The following LAMA2 variants were observed in gnomAD, a reference collection of about 807,000 sequenced individuals.
LAMA2 encodes the protein laminin subunit alpha 2.
LAMA2 carries 269 observed loss-of-function variants against 364.8 expected under a neutral mutation model. That is an observed-to-expected ratio of 0.74 (90% CI 0.67 to 0.82). The LOEUF (loss-of-function observed/expected upper bound fraction) is 0.82. Ranked by LOEUF, LAMA2 falls within the 40% of genes least tolerant of loss-of-function variation. LAMA2 has a pLI of 0.00. For missense variants in LAMA2, 3,807 were observed against 3,873.2 expected (o/e 0.98, Z 0.45); for synonymous variants, 1,379 against 1,370.6 (o/e 1.01, Z -0.14).
intron 1 of LAMA2, among the ~76,000 whole-genome samples, chr6:129,006,064 A>G (rs1488260018): frequency 6.6e-6 from 1 of 152,012 alleles, no homozygotes; most frequent in African/African-American, 2.4e-5. Flanking sequence ...AAGACCCCCT[A>G]ATTTTGAAAA....
intron 17 of LAMA2, among the ~76,000 whole-genome samples, chr6:129,271,974 G>A (rs1162264761): frequency 6.6e-6 from 1 of 152,104 alleles, no homozygotes; most frequent in Non-Finnish European, 1.5e-5. Flanking sequence ...TGTTCTCCTT[G>A]AAACTGTGCT....
chr6:128,997,728 G>A (rs183332881), intron 1 of LAMA2, among the ~76,000 whole-genome samples: 45 of 152,232 alleles, frequency 3.0e-4, no homozygotes, highest in African/African-American at 1.1e-3. Context: ...CTGGAAGGCA[G>A]AGGCTGCAGT....
chr6:128,954,494 A>C (rs960525707), intron 1 of LAMA2, among the ~76,000 whole-genome samples: 2 of 152,088 alleles, frequency 1.3e-5, no homozygotes, highest in Non-Finnish European at 2.9e-5. Flanking sequence ...CTGCATCAGC[A>C]GACAATTGGT....
intron 49 of LAMA2, among the ~76,000 whole-genome samples, chr6:129,463,061 G>C (rs1203289550): frequency 6.6e-6 from 1 of 151,846 alleles, no homozygotes; most frequent in East Asian, 1.9e-4. Flanking sequence ...TTAAAGTAAG[G>C]GGAAAAATCT....
In LAMA2 at chr6:129,052,711, T is replaced by G. The variant is rs191135832; in HGVS notation, c.283+2623T>G. Among the ~76,000 whole-genome samples the G allele has an allele frequency of 2.6e-5, 4 of 152,278 alleles. No homozygotes were observed. In the East Asian group the frequency reaches 7.7e-4, roughly 29 times the overall value. The stretch of plus-strand genomic sequence containing the variant: ...TTTATGGGTTTGGACAAACTTATAA[T>G]GATATATATCTACCATTAGAGTATC... On this transcript the variant is annotated intron_variant, in intron 2 of 64. Coordinates refer to ENST00000421865, the MANE Select transcript of LAMA2 (RefSeq NM_000426.4).
intron 1 of LAMA2, among the ~76,000 whole-genome samples, chr6:129,036,525 G>T (rs562155570): frequency 1.3e-5 from 2 of 151,672 alleles, no homozygotes; most frequent in African/African-American, 4.8e-5. Context: ...TTTCTTTTTG[G>T]TTACAATAAA....
intron 8 of LAMA2, chr6:129,157,990 T>C: frequency 6.2e-7 from 1 of 1,613,856 alleles, no homozygotes; most frequent in African/African-American, 1.3e-5. Context: ...AGGTCAGCAA[T>C]GCAGCAACTC....
At chr6:129,014,675 AT>A (rs1380754382) in intron 1 of LAMA2, among the ~76,000 whole-genome samples, 1 of 152,106 alleles carries the variant, frequency 6.6e-6, no homozygotes, top group African/African-American at 2.4e-5. Flanking sequence ...AAAATATGCT[AT>A]TTAGGTTTGG....
At chr6:129,064,363 C>CAAAAAAAAAAAAAAAAAAAAA in intron 3 of LAMA2, among the ~76,000 whole-genome samples, 1 of 117,518 alleles carries the variant, frequency 8.5e-6, no homozygotes, top group Non-Finnish European at 1.8e-5. Context: ...TTCAAGAAAG[C>CAAAAAAAAAAAAAAAAAAAAA]AAAAAAAAAA....
intron 15 of LAMA2, among the ~76,000 whole-genome samples, chr6:129,265,028 A>G (rs1008337703): frequency 1.3e-5 from 2 of 152,142 alleles, no homozygotes; most frequent in African/African-American, 4.8e-5. Flanking sequence ...GAGACACTAG[A>G]TCATATTTTT....
At chr6:129,198,185 G>A (rs1297420704) in intron 12 of LAMA2, among the ~76,000 whole-genome samples, 1 of 151,878 alleles carries the variant, frequency 6.6e-6, no homozygotes, top group East Asian at 1.9e-4. Flanking sequence ...GACAAAGGAG[G>A]TAGTGTTTAT....
intron 32 of LAMA2, among the ~76,000 whole-genome samples, chr6:129,363,033 A>G (rs371837142): frequency 1.3e-5 from 2 of 152,276 alleles, no homozygotes; most frequent in South Asian, 2.1e-4. Flanking sequence ...TATTTTTAAA[A>G]TACAGTGGTT....
At chr6:129,433,163 A>C (rs1372012386) in intron 41 of LAMA2, among the ~76,000 whole-genome samples, 1 of 152,186 alleles carries the variant, frequency 6.6e-6, no homozygotes, top group Admixed American at 6.6e-5. Context: ...GAAGGCTAGA[A>C]ATATAAAGGT....
intron 1 of LAMA2, among the ~76,000 whole-genome samples, chr6:128,892,880 C>T (rs1258694374): frequency 1.3e-5 from 2 of 151,842 alleles, no homozygotes; most frequent in African/African-American, 4.8e-5. Context: ...AAAAAACCTA[C>T]TTCAGAAAAT....
chr6:129,091,219 G>A (rs1341689122), intron 3 of LAMA2, among the ~76,000 whole-genome samples: 1 of 152,186 alleles, frequency 6.6e-6, no homozygotes, highest in African/African-American at 2.4e-5. Flanking sequence ...AGATAGAGAA[G>A]TCCTTCAAAT....
At position 129,516,460 on chromosome 6, in the gene LAMA2, A is replaced by AATT. The variant is rs1787091309; in HGVS notation, c.*114_*116dup. ...TAAACTAATTTGTGCATGTACATAGAATTCTTTCTGTATTCAGATGGTGCT... is the reference window on the plus strand; with the variant it reads ...TAAACTAATTTGTGCATGTACATAGAATTATTCTTTCTGTATTCAGATGGTGCT... On this transcript the variant is annotated 3_prime_UTR_variant, in exon 65 of 65. Coordinates refer to ENST00000421865, the MANE Select transcript of LAMA2 (RefSeq NM_000426.4). 3 of 1,103,870 alleles carry AATT rather than the reference A, an allele frequency of 2.7e-6. No individual in the cohort carries two copies. In the African/African-American group the frequency reaches 4.7e-5, roughly 17 times the overall value. 68.4% of individuals were successfully genotyped at this position (1,103,870 alleles called of 1,614,324 possible).
At chr6:129,206,698 C>T (rs911944724) in intron 12 of LAMA2, among the ~76,000 whole-genome samples, 1 of 152,210 alleles carries the variant, frequency 6.6e-6, no homozygotes, top group South Asian at 2.1e-4. Flanking sequence ...AAAGCAGTTG[C>T]TCTCTTTCCT....
Position 128,998,637 on chromosome 6 carries a change from G to A in LAMA2, c.113-51281G>A, listed in dbSNP as rs1473476266. Among the ~76,000 whole-genome samples, 3 of 72,216 alleles carry A rather than the reference G, an allele frequency of 4.2e-5. 1 individual carries two copies. In the South Asian group the frequency reaches 1.4e-3, roughly 33 times the overall value. The allele number at this position is 72,216 out of a possible 152,430, so 47.4% of individuals were successfully genotyped here. A position where few individuals can be genotyped will look rare whatever the true frequency, so the allele number is the denominator to read the frequency against. Reference sequence around the variant, plus strand: ...TTTCCGAGTCAAAGAAAGGGGTGACGGACGCACCTGGAAAATCGGGTCACT... The same window carrying A: ...TTTCCGAGTCAAAGAAAGGGGTGACAGACGCACCTGGAAAATCGGGTCACT... On this transcript the variant is annotated intron_variant, in intron 1 of 64. Transcript: ENST00000421865.
intron 1 of LAMA2, chr6:128,928,874 G>A (rs1779262425): frequency 3.0e-6 from 2 of 664,360 alleles, no homozygotes; most frequent in African/African-American, 1.8e-5. Flanking sequence ...GACTTTGTGA[G>A]AGAATAGTGT....
Sources: allele counts gnomAD v4.1 joint callset (sites outside exome capture counted in the v4.1 genomes callset), GRCh38; gene constraint gnomAD v4.1.1; transcripts MANE v1.5; gene names NCBI Gene and HGNC (gene_info 2026-07-23, HGNC 2026-07-21).